TRAK1: variants seen among roughly 807,000 people sequenced by gnomAD.
TRAK1 encodes the protein trafficking kinesin-binding protein 1.
Under a neutral mutation model 92.1 loss-of-function variants are expected in TRAK1, and 33 were observed. That is an observed-to-expected ratio of 0.36 (90% CI 0.27 to 0.48). The LOEUF (loss-of-function observed/expected upper bound fraction) is 0.48, where lower values mean the gene tolerates loss of function less well. Among genes scored for constraint, TRAK1 ranks in the 20% least tolerant of loss-of-function variants. The probability of loss-of-function intolerance (pLI) is 0.99; values close to 1 mark genes in which losing one functional copy is unlikely to be tolerated. For synonymous variants in TRAK1, 521 were observed against 517.3 expected (o/e 1.01, Z -0.10); for missense variants, 1,123 against 1,257.9 (o/e 0.89, Z 1.62).
chr3:42,017,076 A>G (rs1218323932), intron 1 of TRAK1, among the ~76,000 whole-genome samples: 5 of 152,160 alleles, frequency 3.3e-5, no homozygotes, highest in Admixed American at 6.5e-5. Flanking sequence ...CCTGGGCAAC[A>G]TGGTGAAACC....
At chr3:42,191,829 A>G (rs1373764568) in intron 7 of TRAK1, among the ~76,000 whole-genome samples, 193 bp downstream of exon 7, 1 of 140,254 alleles carries the variant, frequency 7.1e-6, no homozygotes, top group Non-Finnish European at 1.5e-5. Context: ...CCAGCTATGT[A>G]TTATCTCAGT....
intron 9 of TRAK1, 89 bp downstream of exon 9, chr3:42,193,987 A>G (rs1706207527): frequency 8.8e-7 from 1 of 1,137,136 alleles, no homozygotes; most frequent in African/African-American, 1.6e-5. Flanking sequence ...CGTCCATCGC[A>G]ACTACTGTTT....
At chr3:42,135,326 C>T (rs751284965) in intron 2 of TRAK1, among the ~76,000 whole-genome samples, 3 of 152,222 alleles carry the variant, frequency 2.0e-5, no homozygotes, top group Non-Finnish European at 4.4e-5. Context: ...CTGCTGCTGT[C>T]TCTGTATTTC....
intron 3 of TRAK1, among the ~76,000 whole-genome samples, chr3:42,178,487 T>G (rs975497237): frequency 3.9e-5 from 6 of 152,180 alleles, no homozygotes; most frequent in Admixed American, 3.9e-4. Flanking sequence ...CTGCAGGGCC[T>G]GCCGGGGACC....
chr3:42,033,272 G>A (rs1559711665), intron 1 of TRAK1, among the ~76,000 whole-genome samples: 1 of 152,096 alleles, frequency 6.6e-6, no homozygotes, highest in Non-Finnish European at 1.5e-5. Context: ...GGATTGCTGG[G>A]GCATAAATAA....
In TRAK1 at chr3:42,209,920, C is replaced by G; in HGVS notation, c.1898C>G (p.Thr633Arg). ...CTTAACGACTTTGAAGAAGATGACA[C>G]AGGTGACCACATTTCTCTCCCACGC... The part of the protein sequence containing the change: ...YCLNDFEEDD[T>R]GDHISLPRLA... The change falls in exon 14 of 16, where the codon ACA becomes AGA. Residue 633 changes from threonine to arginine, a missense_variant. Coordinates refer to ENST00000327628, the MANE Select transcript of TRAK1 (RefSeq NM_001042646.3). 2 of 1,614,206 alleles carry G rather than the reference C, an allele frequency of 1.2e-6. No homozygotes were observed. Among genetic ancestry groups the G allele is most frequent in the Admixed American group, 1.7e-5 (1 of 60,032 alleles).
At chr3:42,175,276 C>A (rs1703051566) in intron 2 of TRAK1, among the ~76,000 whole-genome samples, 2 of 152,128 alleles carry the variant, frequency 1.3e-5, no homozygotes, top group Admixed American at 6.5e-5. Context: ...CGCCTGCAGA[C>A]CATCACAGCT....
chr3:42,197,564 A>G (rs1293093860), intron 10 of TRAK1, among the ~76,000 whole-genome samples: 1 of 152,224 alleles, frequency 6.6e-6, no homozygotes, highest in East Asian at 1.9e-4. Flanking sequence ...AGGTGTATGA[A>G]GGTCCTTTCT....
At chr3:42,097,378 G>A (rs1706091990) in intron 1 of TRAK1, among the ~76,000 whole-genome samples, 1 of 152,176 alleles carries the variant, frequency 6.6e-6, no homozygotes, top group Non-Finnish European at 1.5e-5. Context: ...CATAGAGGTT[G>A]TATATGGTGT....
intron 1 of TRAK1, among the ~76,000 whole-genome samples, chr3:42,055,118 C>T (rs1382218792): frequency 6.6e-6 from 1 of 151,866 alleles, no homozygotes; most frequent in African/African-American, 2.4e-5. Context: ...CAGGGTTTCG[C>T]CATGTTGGCC....
At chr3:42,020,510 C>A (rs1042403770) in intron 1 of TRAK1, among the ~76,000 whole-genome samples, 1 of 152,074 alleles carries the variant, frequency 6.6e-6, no homozygotes, top group African/African-American at 2.4e-5. Context: ...GATGGTATTC[C>A]ATTTTATGGT....
upstream of TRAK1, among the ~76,000 whole-genome samples, chr3:42,084,099 G>A (rs1704557525): frequency 6.6e-6 from 1 of 151,816 alleles, no homozygotes; most frequent in Non-Finnish European, 1.5e-5. Context: ...AAAGGTGTAA[G>A]TCTTCACCTC....
At chr3:42,185,109 TTG>T (rs1280037476) in intron 4 of TRAK1, among the ~76,000 whole-genome samples, 1 of 152,166 alleles carries the variant, frequency 6.6e-6, no homozygotes, top group Non-Finnish European at 1.5e-5. Flanking sequence ...GCCACAGTCC[TTG>T]TCCTCAGAGA....
rs189694434 is a variant in TRAK1, at chr3:42,118,032, A to C, written c.92-7388A>C. ...ACGGGGTTTCACCATGTTGGCCAAG[A>C]TGGTCTCGATGTCCTGACCTTGTGA... is the stretch of plus-strand genomic sequence containing the variant. On this transcript the variant is annotated intron_variant, in intron 1 of 15. Transcript: ENST00000327628. 2.0e-4 allele frequency among the ~76,000 whole-genome samples: 30 copies of C among 151,662 alleles called. No individual in the cohort carries two copies. The East Asian group carries it at 4.5e-3, about 23-fold the overall frequency.
chr3:42,081,714 C>T (rs757798132), intron 1 of TRAK1, among the ~76,000 whole-genome samples: 1 of 151,986 alleles, frequency 6.6e-6, no homozygotes, highest in Non-Finnish European at 1.5e-5. Flanking sequence ...TATAGTAGAA[C>T]CAAGAAAGGT....
chr3:42,083,524 G>A (rs890919740), upstream of TRAK1, among the ~76,000 whole-genome samples: 2 of 152,110 alleles, frequency 1.3e-5, no homozygotes, highest in Non-Finnish European at 2.9e-5. Flanking sequence ...TTGTTTTTGT[G>A]TATAACAGTA....
chr3:42,134,908 C>G (rs559861570), intron 2 of TRAK1, among the ~76,000 whole-genome samples: 30 of 151,732 alleles, frequency 2.0e-4, no homozygotes, highest in African/African-American at 6.8e-4. Flanking sequence ...CAGTCTTGCT[C>G]TGTCACCCAG....
chr3:42,222,649 G>A (rs1465354422), intron 15 of TRAK1, among the ~76,000 whole-genome samples: 1 of 152,212 alleles, frequency 6.6e-6, no homozygotes, highest in African/African-American at 2.4e-5. Context: ...GTGACACCAA[G>A]TAAACCCTTA....
At chr3:42,122,175 T>G (rs1364626840) in intron 1 of TRAK1, among the ~76,000 whole-genome samples, 1 of 152,162 alleles carries the variant, frequency 6.6e-6, no homozygotes, top group East Asian at 1.9e-4. Context: ...TTTATCTCAC[T>G]GGTCATATGC....
Sources: allele counts gnomAD v4.1 joint callset (sites outside exome capture counted in the v4.1 genomes callset), GRCh38; gene constraint gnomAD v4.1.1; transcripts MANE v1.5; gene names NCBI Gene and HGNC (gene_info 2026-07-23, HGNC 2026-07-21).